Variants in KSR2 observed in about 807,000 individuals in gnomAD.
The protein encoded by KSR2 is kinase suppressor of ras 2.
In KSR2, 25 loss-of-function variants were observed where a neutral mutation model predicts 107.8. The observed-to-expected ratio is 0.23, with a 90% CI of 0.17 to 0.32. KSR2 has a LOEUF of 0.32. Among genes scored for constraint, KSR2 ranks in the 10% least tolerant of loss-of-function variants. The probability of loss-of-function intolerance (pLI) is 1.00; values close to 1 mark genes in which losing one functional copy is unlikely to be tolerated. For missense variants in KSR2, 887 were observed against 1,268.9 expected (o/e 0.70, Z 4.57); for synonymous variants, 480 against 507.0 (o/e 0.95, Z 0.71).
At chr12:117,932,619 GGCT>G (rs1472181724) in intron 1 of KSR2, among the ~76,000 whole-genome samples, 1 of 152,176 alleles carries the variant, frequency 6.6e-6, no homozygotes, top group African/African-American at 2.4e-5. Flanking sequence ...CTACTCAGGA[GGCT>G]GAGGTGAGAG....
At chr12:117,759,963 G>A (rs1888935466) in intron 4 of KSR2, among the ~76,000 whole-genome samples, 1 of 152,170 alleles carries the variant, frequency 6.6e-6, no homozygotes. Context: ...CAAAAAATTA[G>A]CCAGGCGTGG....
intron 3 of KSR2, among the ~76,000 whole-genome samples, chr12:117,779,469 A>G (rs1027487389): frequency 1.3e-5 from 2 of 152,184 alleles, no homozygotes; most frequent in African/African-American, 2.4e-5. Flanking sequence ...CTTAGGGTGA[A>G]CATGAAAAAC....
At chr12:117,635,004 C>A (rs908286725) in intron 5 of KSR2, among the ~76,000 whole-genome samples, 38 of 152,268 alleles carry the variant, frequency 2.5e-4, no homozygotes, top group Admixed American at 5.9e-4. Flanking sequence ...AAGACCTGCC[C>A]AAGGTATTGT....
chr12:117,692,605 A>G (rs1885879512), intron 4 of KSR2, among the ~76,000 whole-genome samples: 2 of 151,376 alleles, frequency 1.3e-5, no homozygotes, highest in Admixed American at 1.3e-4. Flanking sequence ...ACGTACACCT[A>G]TGTTCATAGC....
intron 1 of KSR2, 21 bp downstream of exon 1, chr12:117,968,055 T>G (rs1566104811): frequency 1.1e-6 from 1 of 879,066 alleles, no homozygotes; most frequent in Non-Finnish European, 1.7e-6. Context: ...TTTTTTTTTT[T>G]TTCCCGTAGG....
At chr12:117,793,888 GCACACAC>G (rs1424003946) in intron 3 of KSR2, among the ~76,000 whole-genome samples, 8 of 115,358 alleles carry the variant, frequency 6.9e-5, no homozygotes, top group African/African-American at 2.8e-4. Flanking sequence ...CATACAACAT[GCACACAC>G]CAACATGCAC....
intron 5 of KSR2, among the ~76,000 whole-genome samples, chr12:117,626,750 TG>T (rs1882542391): frequency 6.6e-6 from 1 of 152,196 alleles, no homozygotes; most frequent in African/African-American, 2.4e-5. Context: ...GTTCAGGTCC[TG>T]GATATCCTTG....
intron 1 of KSR2, among the ~76,000 whole-genome samples, chr12:117,922,938 A>C (rs1415509582): frequency 6.6e-6 from 1 of 152,218 alleles, no homozygotes; most frequent in African/African-American, 2.4e-5. Flanking sequence ...GGACATACGA[A>C]CATACAGTGA....
chr12:117,592,699 C>T (rs1461454603), intron 5 of KSR2, among the ~76,000 whole-genome samples: 4 of 152,146 alleles, frequency 2.6e-5, no homozygotes, highest in East Asian at 1.9e-4. Context: ...TATTAAAGTG[C>T]GTCAGGGATT....
intron 3 of KSR2, among the ~76,000 whole-genome samples, chr12:117,852,612 C>G (rs1248532670): frequency 6.6e-6 from 1 of 152,156 alleles, no homozygotes; most frequent in Non-Finnish European, 1.5e-5. Flanking sequence ...AAACTGGAAT[C>G]TCACTCTACT....
At chr12:117,667,738 G>A in intron 4 of KSR2, 80 bp from the exon 5 acceptor site, 1 of 1,258,726 alleles carries the variant, frequency 7.9e-7, no homozygotes, top group Non-Finnish European at 1.1e-6. Flanking sequence ...CCAGCCTTGT[G>A]TTTCCCATGA....
chr12:117,682,128 C>A (rs990824188), intron 4 of KSR2, among the ~76,000 whole-genome samples: 30 of 152,102 alleles, frequency 2.0e-4, no homozygotes, highest in African/African-American at 7.2e-4. Flanking sequence ...GGGACATGGA[C>A]TGAGCTGGAA....
intron 3 of KSR2, among the ~76,000 whole-genome samples, chr12:117,787,945 G>A (rs542782172): frequency 8.5e-5 from 13 of 152,306 alleles, no homozygotes; most frequent in East Asian, 3.9e-4. Flanking sequence ...GAAACTGTAC[G>A]TGGGAAATAA....
At chr12:117,885,957 G>C (rs1437563517) in intron 1 of KSR2, among the ~76,000 whole-genome samples, 2 of 151,934 alleles carry the variant, frequency 1.3e-5, no homozygotes, top group Non-Finnish European at 2.9e-5. Context: ...ATTAGCCAAC[G>C]GGGTGGCGGA....
At chr12:117,555,320 G>T (rs1294954384) in intron 8 of KSR2, 27 bp from the exon 9 acceptor site, 2 of 1,612,680 alleles carry the variant, frequency 1.2e-6, no homozygotes, top group African/African-American at 1.3e-5. Context: ...ATTGATTTGG[G>T]AGTTTAAGTA....
chr12:117,804,269 C>T (rs1211973425), intron 3 of KSR2, among the ~76,000 whole-genome samples: 1 of 152,214 alleles, frequency 6.6e-6, no homozygotes, highest in East Asian at 1.9e-4. Context: ...TCTTGAACTC[C>T]TGATCTCAGG....
At chr12:117,611,190 C>T (rs1881576199) in intron 5 of KSR2, among the ~76,000 whole-genome samples, 2 of 152,196 alleles carry the variant, frequency 1.3e-5, no homozygotes, top group Admixed American at 1.3e-4. Flanking sequence ...AATCATCTCT[C>T]TTGCCTCTCT....
intron 5 of KSR2, among the ~76,000 whole-genome samples, chr12:117,600,280 A>G (rs1880867130): frequency 6.6e-6 from 1 of 152,202 alleles, no homozygotes; most frequent in Non-Finnish European, 1.5e-5. Context: ...CTAACGTGCA[A>G]TCTTCCCAGG....
chr12:117,928,395 G>C (rs370588492), intron 1 of KSR2, among the ~76,000 whole-genome samples: 9 of 152,170 alleles, frequency 5.9e-5, no homozygotes, highest in African/African-American at 2.2e-4. Flanking sequence ...TGTTGCCCAG[G>C]CTGGTCTTGA....
Sources: gnomAD v4.1 joint callset for allele counts (sites outside exome capture counted in the v4.1 genomes callset) on GRCh38, gnomAD v4.1.1 for gene constraint, MANE v1.5 for transcripts, NCBI Gene and HGNC (gene_info 2026-07-23, HGNC 2026-07-21) for gene names.